The following BTD variants were observed in gnomAD, a reference collection of about 807,000 sequenced individuals.
BTD encodes biotinidase.
A neutral mutation model predicts 17.7 loss-of-function variants in BTD; 13 were observed. The ratio of observed to expected loss-of-function variants is 0.74; its 90% CI spans 0.48 to 1.17. The LOEUF is 1.17. Among genes scored for constraint, BTD ranks in the 50% most tolerant of loss-of-function variants. BTD has a pLI of 0.00. For synonymous variants in BTD, 240 were observed against 245.2 expected (o/e 0.98, Z 0.20); for missense variants, 674 against 650.4 (o/e 1.04, Z -0.39).
chr3:15,643,106 A>G (rs990739228), intron 3 of BTD, among the ~76,000 whole-genome samples: 1 of 152,140 alleles, frequency 6.6e-6, no homozygotes, highest in Non-Finnish European at 1.5e-5. Flanking sequence ...TATATTAAAG[A>G]GTACCAAATT....
At chr3:15,620,771 C>A (rs1031574903) in intron 1 of BTD, among the ~76,000 whole-genome samples, 10 of 152,230 alleles carry the variant, frequency 6.6e-5, no homozygotes, top group Admixed American at 1.3e-4. Context: ...TCCAGCTGGT[C>A]CCTCCATTCA....
At chr3:15,685,741 G>A (rs1233578781) in intron 3 of BTD, among the ~76,000 whole-genome samples, 1 of 152,164 alleles carries the variant, frequency 6.6e-6, no homozygotes, top group Non-Finnish European at 1.5e-5. Flanking sequence ...GAAAATAAGT[G>A]AGATAATGGA....
intron 3 of BTD, among the ~76,000 whole-genome samples, chr3:15,702,918 T>C (rs1360350340): frequency 1.3e-5 from 2 of 151,746 alleles, no homozygotes; most frequent in Non-Finnish European, 2.9e-5. Flanking sequence ...AAACAATTCA[T>C]ATATACTAAA....
At chr3:15,673,325 T>C (rs760167470) in intron 3 of BTD, among the ~76,000 whole-genome samples, 9 of 152,264 alleles carry the variant, frequency 5.9e-5, no homozygotes, top group Non-Finnish European at 1.2e-4. Context: ...GACTATGTCT[T>C]ATTTTACACT....
chr3:15,628,729 C>T (rs2065128513), intron 1 of BTD, among the ~76,000 whole-genome samples: 1 of 152,178 alleles, frequency 6.6e-6, no homozygotes. Context: ...TTCCTTGCTG[C>T]CTGGTCAAGG....
intron 3 of BTD, among the ~76,000 whole-genome samples, chr3:15,682,057 G>A (rs572784319): frequency 6.6e-6 from 1 of 152,130 alleles, no homozygotes; most frequent in African/African-American, 2.4e-5. Context: ...TTAAGGTGTG[G>A]CCTAGGGAAC....
intron 3 of BTD, among the ~76,000 whole-genome samples, chr3:15,696,415 C>T (rs1486679186): frequency 6.6e-6 from 1 of 151,942 alleles, no homozygotes; most frequent in Non-Finnish European, 1.5e-5. Context: ...ACTAAAGTAT[C>T]ATAAAAATGC....
chr3:15,716,311 G>C (rs547136123), downstream of BTD, among the ~76,000 whole-genome samples: 5 of 146,182 alleles, frequency 3.4e-5, no homozygotes, highest in African/African-American at 1.0e-4. Flanking sequence ...CCCTTAAAGA[G>C]ATGGGGGTCT....
intron 3 of BTD, among the ~76,000 whole-genome samples, chr3:15,678,572 TAGTATGA>T (rs1400676101): frequency 1.3e-5 from 2 of 152,188 alleles, no homozygotes; most frequent in East Asian, 3.8e-4. Flanking sequence ...AAACTAGAAC[TAGTATGA>T]AGTAAAGATT....
At chr3:15,673,858 C>G (rs1207263807) in intron 3 of BTD, among the ~76,000 whole-genome samples, 1 of 151,890 alleles carries the variant, frequency 6.6e-6, no homozygotes, top group East Asian at 1.9e-4. Flanking sequence ...AGAAAGGTAA[C>G]AAGGTGGAGG....
chr3:15,628,453 C>G (rs1432539003), intron 1 of BTD, among the ~76,000 whole-genome samples: 4 of 152,196 alleles, frequency 2.6e-5, no homozygotes, highest in Non-Finnish European at 5.9e-5. Context: ...TGCACTGGTT[C>G]TTTTTCTTCT....
intron 3 of BTD, among the ~76,000 whole-genome samples, chr3:15,688,552 T>G (rs1363180192): frequency 6.6e-6 from 1 of 152,228 alleles, no homozygotes; most frequent in East Asian, 1.9e-4. Context: ...ATTATTAAAA[T>G]ATTTTTCTCA....
At chr3:15,698,144 G>C (rs767614774) in intron 3 of BTD, among the ~76,000 whole-genome samples, 24 of 151,942 alleles carry the variant, frequency 1.6e-4, no homozygotes, top group Non-Finnish European at 2.6e-4. Context: ...CGGTCTGTCT[G>C]ATTATCTCAA....
chr3:15,614,548 G>C (rs1490173647), intron 1 of BTD, among the ~76,000 whole-genome samples: 1 of 150,302 alleles, frequency 6.7e-6, no homozygotes, highest in Non-Finnish European at 1.5e-5. Flanking sequence ...TGATTCTAAC[G>C]GCCATGCCAC....
chr3:15,665,659 C>T (rs1038497712), intron 3 of BTD, among the ~76,000 whole-genome samples: 1 of 152,194 alleles, frequency 6.6e-6, no homozygotes, highest in African/African-American at 2.4e-5. Flanking sequence ...AAACTATACT[C>T]CCCAAAATGG....
chr3:15,651,088 A>C lies in BTD; in HGVS notation c.*5600A>C, dbSNP rs2065794544. On this transcript the variant is annotated 3_prime_UTR_variant, in exon 4 of 4. Coordinates refer to ENST00000643237, the MANE Select transcript of BTD (RefSeq NM_001370658.1). Reference sequence around the variant, plus strand: ...CGGCCAGGGCTGTGATATTCTGATCAGCCAGCACTGAGTCACATGGCCACT... The same window carrying C: ...CGGCCAGGGCTGTGATATTCTGATCCGCCAGCACTGAGTCACATGGCCACT... Among the ~76,000 whole-genome samples, 1 of 152,190 alleles carries C rather than the reference A, an allele frequency of 6.6e-6. No homozygotes were observed. Among genetic ancestry groups the C allele is most frequent in the South Asian group, 2.1e-4 (1 of 4,830 alleles).
At chr3:15,618,740 T>C (rs2064866166) in intron 1 of BTD, among the ~76,000 whole-genome samples, 1 of 152,154 alleles carries the variant, frequency 6.6e-6, no homozygotes, top group African/African-American at 2.4e-5. Flanking sequence ...TTAGCCAGGA[T>C]GGTCTCAATC....
At chr3:15,698,155 T>C (rs1394349908) in intron 3 of BTD, among the ~76,000 whole-genome samples, 1 of 152,146 alleles carries the variant, frequency 6.6e-6, no homozygotes, top group Non-Finnish European at 1.5e-5. Context: ...ATTATCTCAA[T>C]AGATGCAGAA....
At chr3:15,617,930 G>A (rs961554253) in intron 1 of BTD, among the ~76,000 whole-genome samples, 18 of 151,994 alleles carry the variant, frequency 1.2e-4, no homozygotes, top group African/African-American at 4.4e-4. Flanking sequence ...GCCATTCTTG[G>A]TCTTTTACCT....
Sources: gnomAD v4.1 joint callset for allele counts (sites outside exome capture counted in the v4.1 genomes callset) on GRCh38, gnomAD v4.1.1 for gene constraint, MANE v1.5 for transcripts, NCBI Gene and HGNC (gene_info 2026-07-23, HGNC 2026-07-21) for gene names.